The following ZNF616 variants were observed in gnomAD, a reference collection of about 807,000 sequenced individuals.
ZNF616 encodes the protein zinc finger protein 616.
Under a neutral mutation model 7.6 loss-of-function variants are expected in ZNF616, and 5 were observed. The ratio of observed to expected loss-of-function variants is 0.66; its 90% CI spans 0.34 to 1.38. The LOEUF (loss-of-function observed/expected upper bound fraction) is 1.38. Among genes scored for constraint, ZNF616 ranks in the 40% most tolerant of loss-of-function variants. The probability of loss-of-function intolerance (pLI) is 0.04; values close to 1 mark genes in which losing one functional copy is unlikely to be tolerated. For missense variants in ZNF616, 913 were observed against 948.3 expected (o/e 0.96, Z 0.49); for synonymous variants, 319 against 317.2 (o/e 1.01, Z -0.06).
intron 1 of ZNF616, among the ~76,000 whole-genome samples, chr19:52,133,428 T>C (rs1363009211): frequency 6.6e-6 from 1 of 152,146 alleles, no homozygotes; most frequent in Non-Finnish European, 1.5e-5. Context: ...ACTTATATTT[T>C]AAGTTCAGGG....
rs531393630 is a variant in ZNF616 at position 52,114,682 on chromosome 19, T to C, written c.*136A>G. 3.6e-5 allele frequency: 37 copies of C among 1,035,906 alleles called. 1 individual carries two copies. The South Asian group carries it at 6.1e-4, about 17-fold the overall frequency. The allele number at this position is 1,035,906 out of a possible 1,614,324, so 64.2% of individuals were successfully genotyped here. A position where few individuals can be genotyped will look rare whatever the true frequency, so the allele number is the denominator to read the frequency against. ...CAGTTTGAGAAATCCACTTCCATGA[T>C]TCAATCACCTCCCAATGGGCCCCAC... On this transcript the variant is annotated 3_prime_UTR_variant, in exon 4 of 4. Coordinates refer to ENST00000600228, the MANE Select transcript of ZNF616 (RefSeq NM_178523.5).
intron 2 of ZNF616, among the ~76,000 whole-genome samples, chr19:52,129,526 A>C (rs2088939324): frequency 6.6e-6 from 1 of 152,136 alleles, no homozygotes; most frequent in Non-Finnish European, 1.5e-5. Context: ...AAAACTTAAA[A>C]CAACTGCTGG....
At chr19:52,127,203 C>T (rs187701874) in intron 2 of ZNF616, among the ~76,000 whole-genome samples, 3 of 152,194 alleles carry the variant, frequency 2.0e-5, no homozygotes, top group African/African-American at 7.2e-5. Flanking sequence ...TAAAGACGTG[C>T]ACCATCATGT....
intron 3 of ZNF616, among the ~76,000 whole-genome samples, chr19:52,119,328 A>C (rs1036905060): frequency 2.6e-5 from 4 of 151,242 alleles, no homozygotes; most frequent in Non-Finnish European, 4.4e-5. Context: ...GTGAGCCGAG[A>C]TCACACCACT....
intron 1 of ZNF616, among the ~76,000 whole-genome samples, chr19:52,134,529 G>C (rs1157358262): frequency 6.6e-6 from 1 of 152,170 alleles, no homozygotes; most frequent in Non-Finnish European, 1.5e-5. Flanking sequence ...AGTGAGCCGG[G>C]GAGGTCTTGT....
In ZNF616 at chr19:52,115,605, G is replaced by C; in HGVS notation, c.1559C>G (p.Pro520Arg). 3 of 1,613,866 alleles carry C rather than the reference G, an allele frequency of 1.9e-6. No homozygotes were observed. The highest frequency in any genetic ancestry group is 2.5e-6 in the Non-Finnish European group (3 of 1,179,964). Residue 520 changes from proline (P) to arginine (R), a missense_variant, in exon 4 of 4, where the codon CCT becomes CGT. By Grantham distance (103) the Pro-to-Arg change is moderately radical (BLOSUM62 -2). Coordinates refer to ENST00000600228, the MANE Select transcript of ZNF616 (RefSeq NM_178523.5). Reference protein sequence around the residue: ...VHRRIHTGEKPYKCKECGKVF... With the variant: ...VHRRIHTGEKRYKCKECGKVF... ...CTTGCCACATTCTTTGCATTTGTAA[G>C]GTTTCTCTCCAGTATGAATTCTCCG...
intron 3 of ZNF616, among the ~76,000 whole-genome samples, chr19:52,119,070 C>G (rs1411278735): frequency 6.6e-6 from 1 of 152,146 alleles, no homozygotes; most frequent in Non-Finnish European, 1.5e-5. Context: ...CAGCCATCCC[C>G]ATGAATAACA....
rs1217918267 is a variant in ZNF616 at position 52,130,656 on chromosome 19, C to A, written c.-76-68G>T. The A allele has an allele frequency of 4.1e-6, 5 of 1,228,412 alleles. No individual in the cohort carries two copies. The Admixed American group carries it at 1.2e-4, about 28-fold the overall frequency. The allele number at this position is 1,228,412 out of a possible 1,614,324, so 76.1% of individuals were successfully genotyped here. On this transcript the variant is annotated intron_variant, in intron 1 of 3. Coordinates refer to ENST00000600228, the MANE Select transcript of ZNF616 (RefSeq NM_178523.5). ...CATTCCTTTCTGTGTCACAACCATG[C>A]ACACAGGGAAGAACTCAGCCTGTGG...
chr19:52,118,942 CAT>C (rs1246799467), intron 3 of ZNF616, among the ~76,000 whole-genome samples: 1 of 152,126 alleles, frequency 6.6e-6, no homozygotes, highest in Non-Finnish European at 1.5e-5. Flanking sequence ...CAGGATCAAA[CAT>C]TATGTTTTTT....
At chr19:52,124,163 G>GTCAAA in intron 2 of ZNF616, 114 bp from the exon 3 acceptor site, 1 of 1,360,212 alleles carries the variant, frequency 7.4e-7, no homozygotes, top group Non-Finnish European at 9.9e-7. Context: ...ATATCTATAT[G>GTCAAA]GCATCTGTGA....
intron 2 of ZNF616, among the ~76,000 whole-genome samples, chr19:52,130,250 T>A (rs550890554): frequency 6.6e-6 from 1 of 152,226 alleles, no homozygotes; most frequent in Admixed American, 6.5e-5. Flanking sequence ...CATGTCTGGG[T>A]GTGAGCCCTT....
Position 52,114,754 on chromosome 19 carries a change from G to A in ZNF616, c.*64C>T, listed in dbSNP as rs1568557311. 2 of 1,495,286 alleles carry A rather than the reference G, an allele frequency of 1.3e-6. No homozygotes were observed. The highest frequency in any genetic ancestry group is 1.8e-6 in the Non-Finnish European group (2 of 1,118,280). 92.6% of individuals were successfully genotyped at this position (1,495,286 alleles called of 1,614,324 possible). On this transcript the variant is annotated 3_prime_UTR_variant, in exon 4 of 4. Coordinates refer to ENST00000600228, the MANE Select transcript of ZNF616 (RefSeq NM_178523.5). ...TTCCACAGGGATTTCAAGAGAAGGG[G>A]TAAATATACAAGGTATATCAGTAAG...
At chr19:52,124,110 TGAG>T (rs2088886026) in intron 2 of ZNF616, 61 bp from the exon 3 acceptor site, 10 of 1,543,742 alleles carry the variant, frequency 6.5e-6, no homozygotes, top group Non-Finnish European at 8.7e-6. Context: ...TTACACAAAA[TGAG>T]GAGAGAACTA....
At chr19:52,134,898 T>C (rs2088994464) in intron 1 of ZNF616, among the ~76,000 whole-genome samples, 1 of 152,152 alleles carries the variant, frequency 6.6e-6, no homozygotes, top group African/African-American at 2.4e-5. Context: ...CGTAGCTCCC[T>C]GTGATTGTTG....
intron 2 of ZNF616, among the ~76,000 whole-genome samples, chr19:52,130,213 C>T (rs2088945774): frequency 6.6e-6 from 1 of 152,164 alleles, no homozygotes; most frequent in African/African-American, 2.4e-5. Flanking sequence ...AGCTCTGATA[C>T]CACGGGACCC....
chr19:52,119,405 A>G (rs2088849930), intron 3 of ZNF616, among the ~76,000 whole-genome samples: 1 of 152,040 alleles, frequency 6.6e-6, no homozygotes, highest in Non-Finnish European at 1.5e-5. Context: ...AAAAAAAGGA[A>G]GTGATCAAGT....
rs1182877972 is a variant in ZNF616, at chr19:52,116,832, ACTT to A, written c.329_331del (p.Glu110del). On this transcript the variant is annotated inframe_deletion, in exon 4 of 4. Transcript: ENST00000600228. ...AAGATTGTTTTCATGGGGCACTGGC[ACTT>A]CTTTATCATTTGTTTCACCATCTTT... The A allele has an allele frequency of 1.9e-6, 3 of 1,613,800 alleles. No homozygotes were observed. The highest frequency in any genetic ancestry group is 1.7e-6 in the Non-Finnish European group (2 of 1,179,882).
rs2088826872 is a variant in ZNF616 at position 52,116,609 on chromosome 19, A to G, written c.555T>C (p.Tyr185=). 1 of 1,614,100 alleles carries G rather than the reference A, an allele frequency of 6.2e-7. No homozygotes were observed. The highest frequency in any genetic ancestry group is 8.5e-7 in the Non-Finnish European group (1 of 1,179,988). ...LVSPHIREKT[Y]VCNECGKAFK... Reference sequence around the variant, plus strand: ...AGGCTTTGCCACATTCATTACATACATACGTTTTTTCCCTAATGTGTGGAG... The same window carrying G: ...AGGCTTTGCCACATTCATTACATACGTACGTTTTTTCCCTAATGTGTGGAG... Residue 185 remains tyrosine, a synonymous_variant, in exon 4 of 4, where the codon TAT becomes TAC. Transcript: ENST00000600228.
intron 1 of ZNF616, among the ~76,000 whole-genome samples, chr19:52,132,387 C>G (rs2088967591): frequency 6.6e-6 from 1 of 152,026 alleles, no homozygotes; most frequent in Non-Finnish European, 1.5e-5. Flanking sequence ...CTGCAGGGGA[C>G]ATGGAGACGT....
Sources: allele counts gnomAD v4.1 joint callset (sites outside exome capture counted in the v4.1 genomes callset), GRCh38; gene constraint gnomAD v4.1.1; transcripts MANE v1.5; gene names NCBI Gene and HGNC (gene_info 2026-07-23, HGNC 2026-07-21).